Variants in ATL3 observed in about 807,000 individuals in gnomAD.
ATL3 encodes atlastin GTPase 3.
ATL3 carries 49 observed loss-of-function variants against 69.5 expected under a neutral mutation model. The observed-to-expected ratio is 0.71, with a 90% CI of 0.56 to 0.89. The LOEUF (loss-of-function observed/expected upper bound fraction) is 0.89. Among genes scored for constraint, ATL3 ranks in the 40% least tolerant of loss-of-function variants. The pLI is 0.00. For synonymous variants in ATL3, 214 were observed against 224.1 expected (o/e 0.95, Z 0.40); for missense variants, 606 against 645.7 (o/e 0.94, Z 0.67).
chr11:63,639,989 C>T (rs752581644), intron 8 of ATL3, among the ~76,000 whole-genome samples: 1 of 151,698 alleles, frequency 6.6e-6, no homozygotes, highest in Admixed American at 6.6e-5. Context: ...AGTACAATGG[C>T]GCGATCTCAG....
chr11:63,637,956 T>C (rs1352762885), intron 8 of ATL3, among the ~76,000 whole-genome samples: 1 of 152,248 alleles, frequency 6.6e-6, no homozygotes, highest in Admixed American at 6.5e-5. Context: ...GAGAGACTTT[T>C]CACTGAGTAC....
chr11:63,624,980 A>G lies in ATL3; in HGVS notation c.*4339T>C, dbSNP rs1939057354. 1 of 152,192 alleles carries G rather than the reference A, an allele frequency of 6.6e-6. No homozygotes were observed. Among genetic ancestry groups the G allele is most frequent in the Admixed American group, 6.5e-5 (1 of 15,278 alleles). 9.4% of individuals were successfully genotyped at this position (152,192 alleles called of 1,614,324 possible). ...TTATAAAAGTGATGACTCCAGGACC[A>G]CAGCCCATACCACCTGAGGCAATCC... On this transcript the variant is annotated 3_prime_UTR_variant, in exon 13 of 13. Coordinates refer to ENST00000398868, the MANE Select transcript of ATL3 (RefSeq NM_015459.5).
upstream of ATL3, chr11:63,671,506 T>G: frequency 6.9e-7 from 1 of 1,444,836 alleles, no homozygotes; most frequent in East Asian, 2.9e-5. Flanking sequence ...CAGCGCGGTC[T>G]GCGTGGCCCA....
chr11:63,652,690 G>A (rs189127525), intron 3 of ATL3, 115 bp from the exon 4 acceptor site: 4 of 628,200 alleles, frequency 6.4e-6, no homozygotes, highest in Middle Eastern at 8.0e-4. Flanking sequence ...GTTTATGTGA[G>A]CCTTAAGCAC....
intron 10 of ATL3, among the ~76,000 whole-genome samples, 188 bp downstream of exon 10, chr11:63,635,346 G>T (rs1219275092): frequency 6.6e-6 from 1 of 151,982 alleles, no homozygotes; most frequent in Non-Finnish European, 1.5e-5. Flanking sequence ...GTACCACCAT[G>T]AATACAAACA....
rs538010664 is a variant in ATL3 at position 63,626,615 on chromosome 11, T to G, written c.*2704A>C. On this transcript the variant is annotated 3_prime_UTR_variant, in exon 13 of 13. Coordinates refer to ENST00000398868, the MANE Select transcript of ATL3 (RefSeq NM_015459.5). ...ATTTTGGAAGCCTCCTTTTATATATTCATAGGAATGAGTTCCATATATTGT... is the reference window on the plus strand; with the variant it reads ...ATTTTGGAAGCCTCCTTTTATATATGCATAGGAATGAGTTCCATATATTGT... 1 of 152,300 alleles carries G rather than the reference T, an allele frequency of 6.6e-6. No individual in the cohort carries two copies. Among genetic ancestry groups the G allele is most frequent in the East Asian group, 1.9e-4 (1 of 5,186 alleles). 9.4% of individuals were successfully genotyped at this position (152,300 alleles called of 1,614,324 possible). A position where few individuals can be genotyped will look rare whatever the true frequency, so the allele number is the denominator to read the frequency against.
chr11:63,655,113 G>C (rs1940200048), intron 3 of ATL3, among the ~76,000 whole-genome samples: 1 of 152,110 alleles, frequency 6.6e-6, no homozygotes, highest in Non-Finnish European at 1.5e-5. Context: ...ATGTAGTTAA[G>C]TAATTTGGAA....
chr11:63,667,883 T>A (rs1381485863), intron 1 of ATL3, among the ~76,000 whole-genome samples: 1 of 152,038 alleles, frequency 6.6e-6, no homozygotes, highest in African/African-American at 2.4e-5. Flanking sequence ...TACAGGCTAT[T>A]GAGCAGCATC....
In ATL3 at chr11:63,628,810, TG is replaced by T. The variant is rs1388238162; in HGVS notation, c.*508del. The T allele has an allele frequency of 2.3e-5, 3 of 131,464 alleles. No homozygotes were observed. Among genetic ancestry groups the T allele is most frequent in the African/African-American group, 9.0e-5 (3 of 33,490 alleles). 8.1% of individuals were successfully genotyped at this position (131,464 alleles called of 1,614,324 possible). A position where few individuals can be genotyped will look rare whatever the true frequency, so the allele number is the denominator to read the frequency against. On this transcript the variant is annotated 3_prime_UTR_variant, in exon 13 of 13. Coordinates refer to ENST00000398868, the MANE Select transcript of ATL3 (RefSeq NM_015459.5). ...AAGATCACACCACTGCACTCAAGCC[TG>T]GTGACAGAGCGAGACTCCAACTCAA...
intron 8 of ATL3, among the ~76,000 whole-genome samples, chr11:63,638,657 A>C (rs1298911394): frequency 1.3e-5 from 2 of 152,036 alleles, no homozygotes; most frequent in Non-Finnish European, 2.9e-5. Context: ...GTGAGCTGAG[A>C]TCGCACCACT....
chr11:63,631,625 C>G (rs958936607), intron 11 of ATL3, among the ~76,000 whole-genome samples, 154 bp from the exon 12 acceptor site: 7 of 152,222 alleles, frequency 4.6e-5, no homozygotes, highest in Admixed American at 3.3e-4. Context: ...CCAATAAAGT[C>G]TAGTTTCACT....
intron 1 of ATL3, among the ~76,000 whole-genome samples, chr11:63,661,659 G>T (rs1940423641): frequency 6.6e-6 from 1 of 151,904 alleles, no homozygotes; most frequent in African/African-American, 2.4e-5. Context: ...GGAGGCCGAG[G>T]CGGGCAGATC....
At chr11:63,632,476 A>C (rs1939353153) in intron 11 of ATL3, 1 of 853,732 alleles carries the variant, frequency 1.2e-6, no homozygotes, top group African/African-American at 1.7e-5. Context: ...TAAAAGAGTA[A>C]CTGGTTTGGA....
chr11:63,662,337 G>C (rs546069137), intron 1 of ATL3, among the ~76,000 whole-genome samples: 4 of 152,072 alleles, frequency 2.6e-5, no homozygotes, highest in Non-Finnish European at 5.9e-5. Flanking sequence ...ATTTCCCTAA[G>C]AGTATGTGTC....
rs2134523954 is a variant in ATL3, at chr11:63,659,087, T to C, written c.212A>G (p.Lys71Arg). 22 of 1,614,124 alleles carry C rather than the reference T, an allele frequency of 1.4e-5. No individual in the cohort carries two copies. Among genetic ancestry groups the C allele is most frequent in the Non-Finnish European group, 1.9e-5 (22 of 1,180,032 alleles). Residue 71 changes from lysine (K) to arginine (R), a missense_variant, in exon 2 of 13, where the codon AAG becomes AGG. Coordinates refer to ENST00000398868, the MANE Select transcript of ATL3 (RefSeq NM_015459.5). The part of the protein sequence containing the change: ...VVVSVAGAFR[K>R]GKSFILDFML... ...AAAATCCAGAATGAAGGACTTGCCC[T>C]TTCGGAAGGCACCAGCCACTGAAAC...
intron 11 of ATL3, 24 bp from the exon 12 acceptor site, chr11:63,631,495 T>G (rs766853019): frequency 6.4e-7 from 1 of 1,552,854 alleles, no homozygotes; most frequent in Non-Finnish European, 8.7e-7. Context: ...AGAAACAATA[T>G]GTTAAAAGAT....
chr11:63,663,941 G>C (rs1167661539), intron 1 of ATL3, among the ~76,000 whole-genome samples: 1 of 152,140 alleles, frequency 6.6e-6, no homozygotes, highest in African/African-American at 2.4e-5. Flanking sequence ...TCCAGATCAG[G>C]CATTTTCCCC....
At chr11:63,650,572 CCAACAG>C (rs1275091140) in intron 5 of ATL3, 2 of 152,152 alleles carry the variant, frequency 1.3e-5, no homozygotes, top group Non-Finnish European at 2.9e-5. Flanking sequence ...GCTGAGTCTA[CCAACAG>C]CCTTGTCATG....
intron 8 of ATL3, among the ~76,000 whole-genome samples, chr11:63,639,265 C>T (rs990724298): frequency 6.6e-6 from 1 of 152,166 alleles, no homozygotes; most frequent in African/African-American, 2.4e-5. Flanking sequence ...TTAAGTGGTT[C>T]CCTAAAATTA....
Sources: allele counts gnomAD v4.1 joint callset (sites outside exome capture counted in the v4.1 genomes callset), GRCh38; gene constraint gnomAD v4.1.1; transcripts MANE v1.5; gene names NCBI Gene and HGNC (gene_info 2026-07-23, HGNC 2026-07-21).